PTPRB: variants seen among roughly 807,000 people sequenced by gnomAD.
PTPRB encodes the protein protein tyrosine phosphatase receptor type B.
PTPRB carries 97 observed loss-of-function variants against 238.1 expected under a neutral mutation model. The observed-to-expected ratio is 0.41, with a 90% confidence interval of 0.35 to 0.48. The LOEUF is 0.48. Among genes scored for constraint, PTPRB ranks in the 20% least tolerant of loss-of-function variants. PTPRB has a pLI of 0.30. For missense variants in PTPRB, 2,292 were observed against 2,681.9 expected (o/e 0.85, Z 3.21); for synonymous variants, 970 against 995.4 (o/e 0.97, Z 0.48).
chr12:70,591,869 C>T lies in PTPRB; in HGVS notation c.1780+413G>A, dbSNP rs933043346. ...TTAAAGGCAAGTAGCATGTCTTAGT[C>T]GTTTTAACAATAGTACAGTAATTTA... On this transcript the variant is annotated intron_variant, in intron 7 of 33. Coordinates refer to ENST00000334414, the MANE Select transcript of PTPRB (RefSeq NM_001109754.4). 8.1e-5 allele frequency: 14 copies of T among 172,408 alleles called. No homozygotes were observed. The South Asian group carries it at 1.0e-3, about 12-fold the overall frequency. The allele number at this position is 172,408 out of a possible 1,614,324, so 10.7% of individuals were successfully genotyped here.
chr12:70,597,404 A>G (rs567829719), intron 4 of PTPRB, among the ~76,000 whole-genome samples: 8 of 152,322 alleles, frequency 5.3e-5, no homozygotes, highest in African/African-American at 1.7e-4. Flanking sequence ...ATTGAACTTG[A>G]ATAGAATAAA....
At chr12:70,629,397 A>G (rs1162790320) in intron 2 of PTPRB, among the ~76,000 whole-genome samples, 1 of 152,218 alleles carries the variant, frequency 6.6e-6, no homozygotes, top group Non-Finnish European at 1.5e-5. Context: ...TTTGAAACCA[A>G]TGAGAACAAA....
Position 70,517,874 on chromosome 12 carries a change from T to C in PTPRB, c.*3615A>G, listed in dbSNP as rs1438437389. ...AAGCTAAGTGAATGAGAATTTAGTA[T>C]ATGGCCAATAATATTATTGCAAAAG... On this transcript the variant is annotated 3_prime_UTR_variant, in exon 34 of 34. Coordinates refer to ENST00000334414, the MANE Select transcript of PTPRB (RefSeq NM_001109754.4). The C allele has an allele frequency of 6.6e-6, 1 of 152,194 alleles. No individual in the cohort carries two copies. Among genetic ancestry groups the C allele is most frequent in the African/African-American group, 2.4e-5 (1 of 41,434 alleles). 9.4% of individuals were successfully genotyped at this position (152,194 alleles called of 1,614,324 possible). A position where few individuals can be genotyped will look rare whatever the true frequency, so the allele number is the denominator to read the frequency against.
At chr12:70,527,805 C>G (rs372867235) in intron 32 of PTPRB, 1 of 152,158 alleles carries the variant, frequency 6.6e-6, no homozygotes, top group Non-Finnish European at 1.5e-5. Context: ...TGTCCTCTGT[C>G]TTTTGCTGAA....
chr12:70,634,604 T>C (rs1885599681), intron 2 of PTPRB, among the ~76,000 whole-genome samples: 1 of 152,202 alleles, frequency 6.6e-6, no homozygotes, highest in Non-Finnish European at 1.5e-5. Context: ...GTATTTTTAG[T>C]AAGCCCTCCC....
intron 15 of PTPRB, among the ~76,000 whole-genome samples, chr12:70,564,084 C>T (rs985094985): frequency 1.8e-4 from 28 of 152,274 alleles, no homozygotes; most frequent in Non-Finnish European, 2.6e-4. Context: ...AGACACACAC[C>T]CACTCAAGGT....
In PTPRB at chr12:70,562,985, T is replaced by G; in HGVS notation, c.4027A>C (p.Asn1343His). Reference sequence around the variant, plus strand: ...TCAACTTGAGCTCTCTCCTGGAGATTCCCATCTGGGTTGTACAAAAAGATG... The same window carrying G: ...TCAACTTGAGCTCTCTCCTGGAGATGCCCATCTGGGTTGTACAAAAAGATG... The part of the protein sequence containing the change: ...YNIFLYNPDG[N>H]LQERAQVDPL... Residue 1343 changes from asparagine (N) to histidine (H), a missense_variant, in exon 16 of 34, where the codon AAT becomes CAT. Around this residue, in one of 4 missense-constraint regions of PTPRB, gnomAD observed 683 missense variants for 862.0 expected, o/e 0.79. Transcript: ENST00000334414. The G allele has an allele frequency of 6.2e-7, 1 of 1,613,982 alleles. No homozygotes were observed. The highest frequency in any genetic ancestry group is 8.5e-7 in the Non-Finnish European group (1 of 1,179,892).
chr12:70,552,858 T>C lies in PTPRB; in HGVS notation c.5306A>G (p.Glu1769Gly). The stretch of plus-strand genomic sequence containing the variant: ...GCATTTTCCACCTAGGCTCTCCATC[T>C]CTGCTCCAAGCTTAATGTTAAAACT... ...SKSFNIKLGA[E>G]MESLGGKCDP... Residue 1769 changes from glutamate to glycine, a missense_variant, in exon 21 of 34, where the codon GAG (glutamate) becomes GGG (glycine). Transcript: ENST00000334414. The C allele has an allele frequency of 6.2e-7, 1 of 1,613,990 alleles. No individual in the cohort carries two copies. The highest frequency in any genetic ancestry group is 1.1e-5 in the South Asian group (1 of 91,078).
chr12:70,581,692 G>A (rs1565974644), intron 9 of PTPRB, among the ~76,000 whole-genome samples: 1 of 152,066 alleles, frequency 6.6e-6, no homozygotes, highest in South Asian at 2.1e-4. Flanking sequence ...TGATTGTTAT[G>A]GGGTGGTATT....
chr12:70,532,164 A>C lies in PTPRB; in HGVS notation c.6375T>G (p.Gly2125=). Residue 2125 remains glycine, a synonymous_variant, in exon 32 of 34, where the codon GGT becomes GGG. Transcript: ENST00000334414. Reference sequence around the variant, plus strand: ...CAATAAAGGTTCCAGTCCTACCCACACCAGCACTAGAAGAGATGGCAAAGG... The same window carrying C: ...CAATAAAGGTTCCAGTCCTACCCACCCCAGCACTAGAAGAGATGGCAAAGG... ...AGPTVVHCSA[G]VGRTGTFIAL... 6.2e-7 allele frequency: 1 copy of C among 1,604,876 alleles called. No homozygotes were observed. Among genetic ancestry groups the C allele is most frequent in the East Asian group, 2.2e-5 (1 of 44,724 alleles).
At chr12:70,529,661 A>C (rs1404062157) in intron 32 of PTPRB, among the ~76,000 whole-genome samples, 2 of 152,226 alleles carry the variant, frequency 1.3e-5, no homozygotes, top group African/African-American at 4.8e-5. Context: ...AATAATTAAT[A>C]ATTATGATAC....
chr12:70,521,589 A>G lies in PTPRB; in HGVS notation c.6626-78T>C, dbSNP rs1871664978. 7.8e-6 allele frequency: 10 copies of G among 1,278,222 alleles called. No individual in the cohort carries two copies. In the South Asian group the frequency reaches 8.5e-5, roughly 11 times the overall value. The allele number at this position is 1,278,222 out of a possible 1,614,324, so 79.2% of individuals were successfully genotyped here. A position where few individuals can be genotyped will look rare whatever the true frequency, so the allele number is the denominator to read the frequency against. On this transcript the variant is annotated intron_variant, in intron 33 of 33. Transcript: ENST00000334414. ...TTTACGCTGTTTATGAAAATTACCA[A>G]TGTGAAAGACCAGCAGAAACATATA...
chr12:70,602,397 T>G (rs117359270), intron 4 of PTPRB, among the ~76,000 whole-genome samples: 4,384 of 152,246 alleles, frequency 0.029, 92 homozygotes, highest in Non-Finnish European at 0.042. Flanking sequence ...CAATATTATC[T>G]AAAATGCTGT....
chr12:70,617,776 G>C (rs1884745274), intron 3 of PTPRB, among the ~76,000 whole-genome samples: 1 of 147,518 alleles, frequency 6.8e-6, no homozygotes. Flanking sequence ...ACACAAAACT[G>C]TGAAAGCCCA....
At chr12:70,570,045 T>C (rs1369797178) in intron 13 of PTPRB, 107 bp from the exon 14 acceptor site, 1 of 1,047,398 alleles carries the variant, frequency 9.5e-7, no homozygotes, top group Admixed American at 2.6e-5. Context: ...CTGAGAGAAC[T>C]CACATGAAAA....
chr12:70,520,896 CT>C lies in PTPRB; in HGVS notation c.*592del, dbSNP rs1265412928. On this transcript the variant is annotated 3_prime_UTR_variant, in exon 34 of 34. Transcript: ENST00000334414. The stretch of plus-strand genomic sequence containing the variant: ...GAAGGAGAAAGGAGAGAGAGAGCAA[CT>C]AGTTCAGACACAAGCATCTAGTTCA... 2 of 152,366 alleles carry C rather than the reference CT, an allele frequency of 1.3e-5. No individual in the cohort carries two copies. The highest frequency in any genetic ancestry group is 6.6e-5 in the Admixed American group (1 of 15,266). The allele number at this position is 152,366 out of a possible 1,614,324, so 9.4% of individuals were successfully genotyped here.
chr12:70,616,470 A>G (rs529602017), intron 3 of PTPRB, among the ~76,000 whole-genome samples: 16 of 152,268 alleles, frequency 1.1e-4, no homozygotes, highest in African/African-American at 1.7e-4. Flanking sequence ...TTATTCTCCA[A>G]TGGATTGCAA....
chr12:70,532,923 G>T (rs1171015944), intron 31 of PTPRB, among the ~76,000 whole-genome samples: 4 of 152,180 alleles, frequency 2.6e-5, no homozygotes, highest in Admixed American at 6.5e-5. Context: ...GGGATTAGAG[G>T]CAGGATATAC....
chr12:70,552,494 A>AT (rs1565931616), intron 21 of PTPRB, among the ~76,000 whole-genome samples: 9 of 146,632 alleles, frequency 6.1e-5, no homozygotes, highest in South Asian at 4.4e-4. Flanking sequence ...AAAAAAAAAA[A>AT]AAAAAATAAT....
Sources: gnomAD v4.1 joint callset for allele counts (sites outside exome capture counted in the v4.1 genomes callset) on GRCh38, gnomAD v4.1.1 for gene constraint, gnomAD v4.1.1 regional missense constraint, MANE v1.5 for transcripts, NCBI Gene and HGNC (gene_info 2026-07-23, HGNC 2026-07-21) for gene names.